ANKRD28: variants seen among roughly 807,000 people sequenced by gnomAD.
ANKRD28 encodes ankyrin repeat domain 28, also known as serine/threonine-protein phosphatase 6 regulatory ankyrin repeat subunit A.
In ANKRD28, 44 loss-of-function variants were observed where a neutral mutation model predicts 126.5. The observed-to-expected ratio is 0.35, with a 90% CI of 0.27 to 0.45. The LOEUF (loss-of-function observed/expected upper bound fraction) is 0.45. Among genes scored for constraint, ANKRD28 ranks in the 20% least tolerant of loss-of-function variants. The probability of loss-of-function intolerance (pLI) is 1.00; values close to 1 mark genes in which losing one functional copy is unlikely to be tolerated. For synonymous variants in ANKRD28, 442 were observed against 468.5 expected (o/e 0.94, Z 0.73); for missense variants, 1,110 against 1,316.6 (o/e 0.84, Z 2.43).
In ANKRD28 at chr3:15,669,900, A is replaced by G. The variant is rs2066187066; in HGVS notation, c.*370T>C. The G allele has an allele frequency of 5.9e-6, 1 of 168,586 alleles. No homozygotes were observed. Among genetic ancestry groups the G allele is most frequent in the African/African-American group, 2.4e-5 (1 of 41,832 alleles). The allele number at this position is 168,586 out of a possible 1,614,324, so 10.4% of individuals were successfully genotyped here. ...TTTTATTGCCTTTAAATTTAGTTGT[A>G]ATTTTATTGATAAAATTTAAATCTA... On this transcript the variant is annotated 3_prime_UTR_variant, in exon 28 of 28. Transcript: ENST00000683139.
intron 27 of ANKRD28, among the ~76,000 whole-genome samples, chr3:15,675,640 TA>T (rs936440668): frequency 8.5e-5 from 13 of 152,316 alleles, no homozygotes; most frequent in African/African-American, 3.1e-4. Context: ...CTTTGGCTAC[TA>T]AAACAACAGA....
At chr3:15,831,585 C>G (rs560067208) in intron 1 of ANKRD28, among the ~76,000 whole-genome samples, 1 of 152,300 alleles carries the variant, frequency 6.6e-6, no homozygotes, top group Admixed American at 6.5e-5. Flanking sequence ...AAATCGCTCT[C>G]CCCTCAATAT....
Position 15,690,227 on chromosome 3 carries a change from A to G in ANKRD28, c.1762-7T>C, listed in dbSNP as rs747442272. Reference sequence around the variant, plus strand: ...GATGGTGACCATGATAGGCCTAGAAATAAATAAAAATGTAAATTTAAAACA... The same window carrying G: ...GATGGTGACCATGATAGGCCTAGAAGTAAATAAAAATGTAAATTTAAAACA... On this transcript the variant is annotated splice_region_variant and splice_polypyrimidine_tract_variant and intron_variant, in intron 17 of 27. Coordinates refer to ENST00000683139, the MANE Select transcript of ANKRD28 (RefSeq NM_001349278.2). 6 of 1,554,988 alleles carry G rather than the reference A, an allele frequency of 3.9e-6. No individual in the cohort carries two copies. Among genetic ancestry groups the G allele is most frequent in the Non-Finnish European group, 4.3e-6 (5 of 1,150,520 alleles).
intron 2 of ANKRD28, among the ~76,000 whole-genome samples, 197 bp from the exon 3 acceptor site, chr3:15,766,509 C>T: frequency 6.6e-6 from 1 of 152,118 alleles, no homozygotes; most frequent in East Asian, 1.9e-4. Flanking sequence ...CACAGCAAGA[C>T]CTTGTCTCTA....
intron 11 of ANKRD28, 48 bp downstream of exon 11, chr3:15,712,092 T>C: frequency 7.0e-7 from 1 of 1,434,114 alleles, no homozygotes; most frequent in Non-Finnish European, 9.6e-7. Context: ...TCTAAAAATT[T>C]TGAGGGGTTT....
Position 15,812,800 on chromosome 3 carries a change from T to A in ANKRD28, c.28-17494A>T, listed in dbSNP as rs1399059129. Reference sequence around the variant, plus strand: ...AAATAAGTCATTCTATGTACTTTTTTAAAAGGTGATCATGGGTAGGTAATC... The same window carrying A: ...AAATAAGTCATTCTATGTACTTTTTAAAAAGGTGATCATGGGTAGGTAATC... On this transcript the variant is annotated intron_variant, in intron 1 of 27. Transcript: ENST00000399451. The surrounding 1 kb of genome is among the most constrained non-coding windows in gnomAD (Gnocchi z 4.1). Among the ~76,000 whole-genome samples, 1 of 152,172 alleles carries A rather than the reference T, an allele frequency of 6.6e-6. No homozygotes were observed. The highest frequency in any genetic ancestry group is 2.4e-5 in the African/African-American group (1 of 41,424).
chr3:15,687,638 G>C (rs1194486395), intron 18 of ANKRD28, among the ~76,000 whole-genome samples: 1 of 151,330 alleles, frequency 6.6e-6, no homozygotes, highest in Admixed American at 6.6e-5. Context: ...ATATTCCACA[G>C]TATGTTCCCA....
intron 2 of ANKRD28, among the ~76,000 whole-genome samples, chr3:15,775,540 T>C (rs79539104): frequency 0.017 from 2,536 of 152,324 alleles, 67 homozygotes; most frequent in African/African-American, 0.057. Context: ...TTTTCACCTA[T>C]ACTTCTCACC....
At chr3:15,829,091 C>A (rs557504896) in intron 1 of ANKRD28, among the ~76,000 whole-genome samples, 8 of 152,080 alleles carry the variant, frequency 5.3e-5, no homozygotes, top group African/African-American at 1.9e-4. Context: ...ATTGAAGAGC[C>A]CAAAAAGTTT....
intron 2 of ANKRD28, among the ~76,000 whole-genome samples, chr3:15,783,840 AAC>A (rs901761483): frequency 2.0e-5 from 3 of 152,002 alleles, no homozygotes; most frequent in Non-Finnish European, 4.4e-5. Flanking sequence ...GGAGAACACT[AAC>A]AGGAAAAATA....
intron 4 of ANKRD28, among the ~76,000 whole-genome samples, chr3:15,750,889 A>G (rs78713528): frequency 0.012 from 1,867 of 152,330 alleles, 37 homozygotes; most frequent in African/African-American, 0.043. Flanking sequence ...ACATAAACTT[A>G]TACTATCACA....
At chr3:15,835,440 A>C (rs1461216513) in intron 1 of ANKRD28, among the ~76,000 whole-genome samples, 1 of 152,200 alleles carries the variant, frequency 6.6e-6, no homozygotes, top group Non-Finnish European at 1.5e-5. Context: ...GGAGGAATCA[A>C]CAACAACAAC....
intron 2 of ANKRD28, among the ~76,000 whole-genome samples, chr3:15,773,785 A>G (rs1405438608): frequency 2.0e-5 from 3 of 152,228 alleles, no homozygotes; most frequent in African/African-American, 7.2e-5. Flanking sequence ...ATTCAATGCA[A>G]TCACAATAAA....
chr3:15,855,211 C>A (rs532610709), intron 1 of ANKRD28, among the ~76,000 whole-genome samples: 1 of 152,200 alleles, frequency 6.6e-6, no homozygotes, highest in South Asian at 2.1e-4. Context: ...TTTTTCCCCT[C>A]AAACAATGTT....
intron 3 of ANKRD28, among the ~76,000 whole-genome samples, chr3:15,759,544 A>T (rs2058345581): frequency 6.6e-6 from 1 of 152,160 alleles, no homozygotes; most frequent in South Asian, 2.1e-4. Flanking sequence ...CAAATCTTAG[A>T]GTTGCATCAT....
intron 1 of ANKRD28, among the ~76,000 whole-genome samples, chr3:15,852,381 TTC>T (rs2061671370): frequency 6.6e-6 from 1 of 152,236 alleles, no homozygotes; most frequent in Non-Finnish European, 1.5e-5. Flanking sequence ...TATTCTAAGT[TTC>T]TGAATTTCTC....
At chr3:15,694,886 C>A in intron 16 of ANKRD28, 73 bp from the exon 17 acceptor site, 1 of 1,362,414 alleles carries the variant, frequency 7.3e-7, no homozygotes, top group South Asian at 1.2e-5. Context: ...CCACCCAGTT[C>A]AAATCCACCT....
chr3:15,719,835 G>A (rs1015045818), intron 8 of ANKRD28, among the ~76,000 whole-genome samples: 7 of 152,114 alleles, frequency 4.6e-5, no homozygotes, highest in African/African-American at 1.7e-4. Context: ...GATTACAAGC[G>A]TGAGCCAGAC....
intron 3 of ANKRD28, among the ~76,000 whole-genome samples, chr3:15,758,177 C>T (rs943088160): frequency 6.6e-6 from 1 of 152,170 alleles, no homozygotes; most frequent in Non-Finnish European, 1.5e-5. Context: ...TTCCTTGCTC[C>T]TAAATCACAG....
Sources: allele counts gnomAD v4.1 joint callset (sites outside exome capture counted in the v4.1 genomes callset), GRCh38; gene constraint gnomAD v4.1.1; non-coding constraint Gnocchi (gnomAD v3.1); transcripts MANE v1.5; gene names NCBI Gene and HGNC (gene_info 2026-07-23, HGNC 2026-07-21).